The following LRRTM4 variants were observed in gnomAD, a reference collection of about 807,000 sequenced individuals.
LRRTM4 encodes the protein leucine-rich repeat transmembrane neuronal protein 4.
LRRTM4 carries 25 observed loss-of-function variants against 47.6 expected under a neutral mutation model. That is an observed-to-expected ratio of 0.53 (90% CI 0.38 to 0.73). The LOEUF is 0.73. Ranked by LOEUF, LRRTM4 falls within the 30% of genes least tolerant of loss-of-function variation. The pLI, the probability that LRRTM4 is intolerant of heterozygous loss-of-function variation, is 0.00. For missense variants in LRRTM4, 638 were observed against 713.4 expected, an observed-to-expected ratio of 0.89 and a Z score of 1.20; for synonymous variants, 311 against 269.5, an observed-to-expected ratio of 1.15 and a Z score of -1.51.
intron 3 of LRRTM4, among the ~76,000 whole-genome samples, chr2:77,003,106 G>T (rs35573263): frequency 6.6e-6 from 1 of 151,666 alleles, no homozygotes; most frequent in Non-Finnish European, 1.5e-5. Context: ...TTTACTTTGC[G>T]ATAAGAATAT....
chr2:77,476,695 A>G (rs1677402930), intron 3 of LRRTM4, among the ~76,000 whole-genome samples: 1 of 152,150 alleles, frequency 6.6e-6, no homozygotes, highest in Admixed American at 6.6e-5. Context: ...TTGTTATGCT[A>G]AAGCGAGGTA....
At chr2:76,791,138 T>G (rs2103713303) in intron 3 of LRRTM4, among the ~76,000 whole-genome samples, 1 of 152,296 alleles carries the variant, frequency 6.6e-6, no homozygotes, top group East Asian at 1.9e-4. Flanking sequence ...AGGCTACTTC[T>G]TCTTAAGTGA....
chr2:76,975,870 C>G (rs1020773582), intron 3 of LRRTM4, among the ~76,000 whole-genome samples: 1 of 151,714 alleles, frequency 6.6e-6, no homozygotes, highest in Non-Finnish European at 1.5e-5. Context: ...TAGAAACAAG[C>G]AAATAAGTCA....
intron 3 of LRRTM4, among the ~76,000 whole-genome samples, chr2:77,372,006 C>T (rs1391366806): frequency 6.6e-6 from 1 of 151,746 alleles, no homozygotes. Context: ...CATTGGTTCT[C>T]CATGCCCCTC....
At chr2:77,262,805 T>C (rs188379057) in intron 3 of LRRTM4, among the ~76,000 whole-genome samples, 74 of 152,212 alleles carry the variant, frequency 4.9e-4, no homozygotes, top group African/African-American at 1.8e-3. Context: ...TAATAATGTA[T>C]TTGTTCCTAA....
chr2:76,911,159 G>A (rs570276664), intron 3 of LRRTM4, among the ~76,000 whole-genome samples: 10 of 152,096 alleles, frequency 6.6e-5, no homozygotes, highest in East Asian at 1.9e-4. Flanking sequence ...TGCTTTTCTC[G>A]AAAGCATGGA....
chr2:76,783,200 C>T (rs1558649968), intron 3 of LRRTM4, among the ~76,000 whole-genome samples: 1 of 152,144 alleles, frequency 6.6e-6, no homozygotes. Flanking sequence ...ACTACCATGA[C>T]TCCTACCCCA....
intron 3 of LRRTM4, among the ~76,000 whole-genome samples, chr2:77,309,681 TGATA>T (rs3084674): frequency 0.46 from 68,226 of 146,944 alleles, 15,945 homozygotes; most frequent in Admixed American, 0.54. Flanking sequence ...GATAGACAGA[TGATA>T]GATAGATAGA....
At chr2:76,955,573 T>G (rs187673121) in intron 3 of LRRTM4, among the ~76,000 whole-genome samples, 1 of 151,880 alleles carries the variant, frequency 6.6e-6, no homozygotes, top group African/African-American at 2.4e-5. Flanking sequence ...ATATGAACTG[T>G]TTATGTTCTT....
At chr2:77,417,950 T>G (rs1674713070) in intron 3 of LRRTM4, among the ~76,000 whole-genome samples, 1 of 152,166 alleles carries the variant, frequency 6.6e-6, no homozygotes, top group Admixed American at 6.5e-5. Context: ...ACTGTTTGAA[T>G]AATAATAGTT....
intron 3 of LRRTM4, among the ~76,000 whole-genome samples, chr2:77,428,115 A>C (rs1424757484): frequency 6.6e-6 from 1 of 152,152 alleles, no homozygotes; most frequent in African/African-American, 2.4e-5. Flanking sequence ...TCCTGCCACC[A>C]TGTGAAGAAG....
At chr2:76,765,696 A>G (rs1056751238) in intron 3 of LRRTM4, among the ~76,000 whole-genome samples, 4 of 152,192 alleles carry the variant, frequency 2.6e-5, no homozygotes, top group African/African-American at 9.7e-5. Context: ...CTTCCTTGCT[A>G]TCACCTTAAG....
At chr2:77,116,215 T>A (rs2103946039) in intron 3 of LRRTM4, among the ~76,000 whole-genome samples, 1 of 151,816 alleles carries the variant, frequency 6.6e-6, no homozygotes, top group East Asian at 1.9e-4. Context: ...GAATTCTGAA[T>A]GAACAACCAA....
intron 3 of LRRTM4, among the ~76,000 whole-genome samples, chr2:77,162,797 A>G (rs1228257042): frequency 6.6e-6 from 1 of 152,148 alleles, no homozygotes; most frequent in Non-Finnish European, 1.5e-5. Flanking sequence ...CAGAAAGGAC[A>G]TCCACACCAA....
intron 3 of LRRTM4, among the ~76,000 whole-genome samples, chr2:76,820,509 C>A (rs1304366327): frequency 1.3e-5 from 2 of 151,712 alleles, no homozygotes; most frequent in African/African-American, 4.8e-5. Flanking sequence ...TCCTTTTGGT[C>A]ATAATTTCTG....
At chr2:77,183,309 A>G (rs1245201103) in intron 3 of LRRTM4, among the ~76,000 whole-genome samples, 1 of 152,230 alleles carries the variant, frequency 6.6e-6, no homozygotes, top group Non-Finnish European at 1.5e-5. Flanking sequence ...ACATTTATGC[A>G]GCCAAACGAC....
Position 77,003,662 on chromosome 2 carries a change from G to A in LRRTM4, c.1552-254746C>T, listed in dbSNP as rs978390930. Among the ~76,000 whole-genome samples, 7 of 152,268 alleles carry A rather than the reference G, an allele frequency of 4.6e-5. No individual in the cohort carries two copies. In the East Asian group the frequency reaches 5.8e-4, roughly 13 times the overall value. On this transcript the variant is annotated intron_variant, in intron 3 of 3. Coordinates refer to ENST00000409884, the MANE Select transcript of LRRTM4 (RefSeq NM_001134745.3). ...TCCCTTTATAAATTACCCAGTCTCA[G>A]GTATGTCTTTATTAGTAGTGTGAGA...
intron 3 of LRRTM4, among the ~76,000 whole-genome samples, chr2:77,069,231 T>G (rs560756658): frequency 6.6e-6 from 1 of 152,120 alleles, no homozygotes; most frequent in Non-Finnish European, 1.5e-5. Context: ...CCCGACCGAG[T>G]TGGTCTCATC....
At chr2:77,189,255 C>T (rs564689780) in intron 3 of LRRTM4, among the ~76,000 whole-genome samples, 14 of 152,246 alleles carry the variant, frequency 9.2e-5, no homozygotes, top group African/African-American at 3.1e-4. Flanking sequence ...ATGCTCAAGT[C>T]AAGACATTGT....
Sources: gnomAD v4.1 joint callset for allele counts (sites outside exome capture counted in the v4.1 genomes callset) on GRCh38, gnomAD v4.1.1 for gene constraint, MANE v1.5 for transcripts, NCBI Gene and HGNC (gene_info 2026-07-23, HGNC 2026-07-21) for gene names.